The following COL13A1 variants were observed in gnomAD, a reference collection of about 807,000 sequenced individuals.
The protein encoded by COL13A1 is collagen type XIII alpha 1 chain.
In COL13A1, 89 loss-of-function variants were observed where a neutral mutation model predicts 130.9. The observed-to-expected ratio is 0.68, with a 90% CI of 0.57 to 0.81. COL13A1 has a LOEUF of 0.81. Among genes scored for constraint, COL13A1 ranks in the 30% least tolerant of loss-of-function variants. The pLI, the probability that COL13A1 is intolerant of heterozygous loss-of-function variation, is 0.00. For synonymous variants in COL13A1, 402 were observed against 341.6 expected (o/e 1.18, Z -1.95); for missense variants, 879 against 934.6 (o/e 0.94, Z 0.78).
At chr10:69,831,819 C>T (rs1339091702) in intron 2 of COL13A1, among the ~76,000 whole-genome samples, 1 of 152,154 alleles carries the variant, frequency 6.6e-6, no homozygotes, top group Non-Finnish European at 1.5e-5. Flanking sequence ...TCTGACTTCC[C>T]AGTAAATCCC....
In COL13A1 at chr10:69,905,783, C is replaced by T. The variant is rs778853812; in HGVS notation, c.886-4C>T. On this transcript the variant is annotated splice_polypyrimidine_tract_variant and splice_region_variant and intron_variant, in intron 16 of 40. Transcript: ENST00000645393. ...CTTTAATGGCCTTCTCTTTGTTTTC[C>T]CAGGGAGACCCAGGGATCCAGGGCT... 8 of 1,613,346 alleles carry T rather than the reference C, an allele frequency of 5.0e-6. No individual in the cohort carries two copies. The highest frequency in any genetic ancestry group is 6.8e-6 in the Non-Finnish European group (8 of 1,179,698).
chr10:69,814,449 C>T lies in COL13A1; in HGVS notation c.295-7920C>T, dbSNP rs536490504. On this transcript the variant is annotated intron_variant, in intron 1 of 40. Transcript: ENST00000645393. ...AGCAGGTGGGAGGAGGCAGGCCTGGCACTGGCTCAAGAGAGAAGTGGCCTT... is the reference window on the plus strand; with the variant it reads ...AGCAGGTGGGAGGAGGCAGGCCTGGTACTGGCTCAAGAGAGAAGTGGCCTT... Among the ~76,000 whole-genome samples, 80 of 152,320 alleles carry T rather than the reference C, an allele frequency of 5.3e-4. 2 individuals carry two copies. The South Asian group carries it at 0.017, about 32-fold the overall frequency.
At chr10:69,917,386 C>T in intron 18 of COL13A1, 53 bp downstream of exon 18, 1 of 1,508,088 alleles carries the variant, frequency 6.6e-7, no homozygotes, top group Non-Finnish European at 9.1e-7. Flanking sequence ...TCCCCCAGTG[C>T]CCATCCCTCT....
rs550773310 is a variant in COL13A1 at position 69,802,146 on chromosome 10, C to G, written c.-278C>G. The G allele has an allele frequency of 1.7e-5, 7 of 401,252 alleles. No homozygotes were observed. The highest frequency in any genetic ancestry group is 2.2e-5 in the Non-Finnish European group (5 of 229,030). The allele number at this position is 401,252 out of a possible 1,614,324, so 24.9% of individuals were successfully genotyped here. A position where few individuals can be genotyped will look rare whatever the true frequency, so the allele number is the denominator to read the frequency against. ...AAGACTGGGCGGAGAGAAGGAGAGC[C>G]GGTCAGATTCCCCTAACTTTCCTGG... On this transcript the variant is annotated 5_prime_UTR_variant, in exon 1 of 41. Coordinates refer to ENST00000645393, the MANE Select transcript of COL13A1 (RefSeq NM_001368882.1).
chr10:69,931,639 G>C (rs771182002), intron 30 of COL13A1, among the ~76,000 whole-genome samples: 15 of 152,196 alleles, frequency 9.9e-5, no homozygotes, highest in Non-Finnish European at 1.9e-4. Context: ...ACTGCCTCCA[G>C]ACCTGTCCAC....
chr10:69,821,788 C>T (rs2132598259), intron 1 of COL13A1, among the ~76,000 whole-genome samples: 1 of 152,302 alleles, frequency 6.6e-6, no homozygotes, highest in South Asian at 2.1e-4. Context: ...ATGACAACTC[C>T]TCGAGGGTCG....
rs1297638253 is a variant in COL13A1, at chr10:69,852,090, T to A, written c.365-15708T>A. ...TTGCTGTGCTGGTGTGCAGTGACCA[T>A]CCCTTGGACTCTCTCGTGCCGCCTC... On this transcript the variant is annotated intron_variant, in intron 2 of 40. Coordinates refer to ENST00000645393, the MANE Select transcript of COL13A1 (RefSeq NM_001368882.1). Among the ~76,000 whole-genome samples the A allele has an allele frequency of 7.9e-5, 12 of 152,258 alleles. No individual in the cohort carries two copies. In the South Asian group the frequency reaches 1.2e-3, roughly 16 times the overall value.
chr10:69,836,047 G>C (rs553125855), intron 2 of COL13A1, among the ~76,000 whole-genome samples: 1 of 152,254 alleles, frequency 6.6e-6, no homozygotes, highest in South Asian at 2.1e-4. Flanking sequence ...GTCTGAGTCT[G>C]GGCAAACCAG....
chr10:69,812,210 C>T (rs760839752), intron 1 of COL13A1, among the ~76,000 whole-genome samples: 2 of 152,216 alleles, frequency 1.3e-5, no homozygotes. Flanking sequence ...TCTCTCCAGC[C>T]TCATGGCTCA....
At chr10:69,872,855 G>A (rs928217475) in intron 4 of COL13A1, among the ~76,000 whole-genome samples, 3 of 152,228 alleles carry the variant, frequency 2.0e-5, no homozygotes, top group Non-Finnish European at 4.4e-5. Context: ...AAAATAGTTT[G>A]TCCATCTGTC....
In COL13A1 at chr10:69,917,343, C is replaced by G. The variant is rs201380750; in HGVS notation, c.966+10C>G. The G allele has an allele frequency of 1.1e-4, 184 of 1,612,622 alleles. No individual in the cohort carries two copies. Among genetic ancestry groups the G allele is most frequent in the Non-Finnish European group, 1.4e-4 (163 of 1,179,368 alleles). On this transcript the variant is annotated intron_variant, in intron 18 of 40. Coordinates refer to ENST00000645393, the MANE Select transcript of COL13A1 (RefSeq NM_001368882.1). ...CAAGCATGGAGCCAAGGTACCTCCC[C>G]CTTCCCCACATCCCAGGCAGCCCCA... is the stretch of plus-strand genomic sequence containing the variant.
At position 69,822,448 on chromosome 10, in the gene COL13A1, C is replaced by T. The variant is rs375595971; in HGVS notation, c.364+10C>T. On this transcript the variant is annotated intron_variant, in intron 2 of 40. Coordinates refer to ENST00000645393, the MANE Select transcript of COL13A1 (RefSeq NM_001368882.1). ...TGTAACTGCCCACCAGGTAAGCAGC[C>T]CTGCAAATAGGTGACCGCGGATGTT... The T allele has an allele frequency of 7.6e-4, 1,203 of 1,580,716 alleles. No individual in the cohort carries two copies. Among genetic ancestry groups the T allele is most frequent in the Non-Finnish European group, 9.6e-4 (1,116 of 1,163,838 alleles).
intron 2 of COL13A1, among the ~76,000 whole-genome samples, chr10:69,833,776 C>A (rs1849368583): frequency 2.0e-5 from 3 of 152,152 alleles, no homozygotes; most frequent in Non-Finnish European, 4.4e-5. Context: ...ACCCCACACC[C>A]CACTCTGGGA....
At chr10:69,831,602 G>A (rs954679316) in intron 2 of COL13A1, among the ~76,000 whole-genome samples, 1 of 152,290 alleles carries the variant, frequency 6.6e-6, no homozygotes, top group South Asian at 2.1e-4. Context: ...TGATAGACTC[G>A]AGGTGATAGG....
At chr10:69,958,465 G>A (rs1480397399) in intron 40 of COL13A1, among the ~76,000 whole-genome samples, 4 of 152,210 alleles carry the variant, frequency 2.6e-5, no homozygotes, top group Non-Finnish European at 5.9e-5. Flanking sequence ...GAGAAAGAGA[G>A]TGCCCTCTAG....
chr10:69,897,507 C>T (rs552913087), intron 13 of COL13A1: 2 of 1,613,992 alleles, frequency 1.2e-6, no homozygotes, highest in African/African-American at 1.3e-5. Flanking sequence ...CAGCTCTGCG[C>T]TCCAGCCAAA....
chr10:69,851,180 G>A (rs974051401), intron 2 of COL13A1, among the ~76,000 whole-genome samples: 3 of 152,204 alleles, frequency 2.0e-5, no homozygotes, highest in South Asian at 2.1e-4. Flanking sequence ...CTGTAGATTC[G>A]AGAAAACAGG....
At chr10:69,918,154 G>T in intron 18 of COL13A1, 131 bp from the exon 19 acceptor site, 2 of 702,110 alleles carry the variant, frequency 2.8e-6, no homozygotes, top group South Asian at 1.8e-5. Flanking sequence ...GGGGTTGGTG[G>T]TTGCGGGGTT....
At chr10:69,896,311 C>G (rs573834135) in intron 13 of COL13A1, among the ~76,000 whole-genome samples, 2 of 152,252 alleles carry the variant, frequency 1.3e-5, no homozygotes, top group Admixed American at 1.3e-4. Flanking sequence ...TGTGTCCCAG[C>G]AGCAGGGTCG....
Sources: allele counts gnomAD v4.1 joint callset (sites outside exome capture counted in the v4.1 genomes callset), GRCh38; gene constraint gnomAD v4.1.1; transcripts MANE v1.5; gene names NCBI Gene and HGNC (gene_info 2026-07-23, HGNC 2026-07-21).